GAPDH: variants seen among roughly 807,000 people sequenced by gnomAD.
GAPDH encodes the protein glyceraldehyde-3-phosphate dehydrogenase, also known as OCAS, p38 component.
GAPDH carries 13 observed loss-of-function variants against 31.2 expected under a neutral mutation model. That is an observed-to-expected ratio of 0.42 (90% CI 0.27 to 0.66). The LOEUF is 0.66. GAPDH is among the 30% of genes least tolerant of loss of function. The pLI is 0.26. For missense variants in GAPDH, 300 were observed against 443.7 expected (o/e 0.68, Z 2.91); for synonymous variants, 211 against 166.9 (o/e 1.26, Z -2.04).
rs201481859 is a variant in GAPDH, at chr12:6,537,384, A to T, written c.519A>T (p.Gly173=). The change falls in exon 7 of 9, where the codon GGA becomes GGT. Residue 173 remains glycine (G), a synonymous_variant. Transcript: ENST00000229239. This position sits in a 1 kb window ranked among gnomAD's most constrained non-coding sequence, Gnocchi z 4.9. ...ATGACAACTTTGGTATCGTGGAAGG[A>T]CTCATGGTATGAGAGCTGGGGAATG... ...VIHDNFGIVE[G]LMTTVHAITA... 439 of 1,608,816 alleles carry T rather than the reference A, an allele frequency of 2.7e-4. 2 individuals carry two copies. In the East Asian group the frequency reaches 8.3e-3, roughly 30 times the overall value.
intron 1 of GAPDH, 28 bp from the exon 2 acceptor site, chr12:6,534,782 G>GCGCT (rs1343680912): frequency 6.2e-7 from 1 of 1,602,530 alleles, no homozygotes; most frequent in Middle Eastern, 1.9e-4. Context: ...GGGCCACTAG[G>GCGCT]CGCTCACTGT....
In GAPDH at chr12:6,535,374, G is replaced by T; in HGVS notation, c.29+513G>T. On this transcript the variant is annotated intron_variant, in intron 2 of 8. Coordinates refer to ENST00000229239, the MANE Select transcript of GAPDH (RefSeq NM_002046.7). ...GTGACTAACCCTGCGCTCCTGCCTCGATGGGTGGAGTCGCGTGTGGCGGGG... is the reference window on the plus strand; with the variant it reads ...GTGACTAACCCTGCGCTCCTGCCTCTATGGGTGGAGTCGCGTGTGGCGGGG... 5.1e-6 allele frequency: 5 copies of T among 989,800 alleles called. No homozygotes were observed. The South Asian group carries it at 1.8e-4, about 36-fold the overall frequency. The allele number at this position is 989,800 out of a possible 1,614,324, so 61.3% of individuals were successfully genotyped here.
intron 2 of GAPDH, among the ~76,000 whole-genome samples, chr12:6,535,704 GT>G (rs1946448498): frequency 6.6e-6 from 1 of 152,184 alleles, no homozygotes. Context: ...AGGCCAGGCT[GT>G]AAATGTCACC....
Position 6,537,072 on chromosome 12 carries a change from G to C in GAPDH, c.328-29G>C, listed in dbSNP as rs774327990. The C allele has an allele frequency of 2.9e-5, 46 of 1,608,670 alleles. No homozygotes were observed. Among genetic ancestry groups the C allele is most frequent in the Non-Finnish European group, 3.7e-5 (43 of 1,177,656 alleles). On this transcript the variant is annotated intron_variant, in intron 5 of 8. Coordinates refer to ENST00000229239, the MANE Select transcript of GAPDH (RefSeq NM_002046.7). The surrounding 1 kb of genome is among the most constrained non-coding windows in gnomAD (Gnocchi z 4.9). ...TCAGCCCTGCAAAGGCAGGACCCGGGTTCATAACTGTCTGCTTCTCTGCTG... is the reference window on the plus strand; with the variant it reads ...TCAGCCCTGCAAAGGCAGGACCCGGCTTCATAACTGTCTGCTTCTCTGCTG...
rs373809061 is a variant in GAPDH at position 6,537,230 on chromosome 12, G to A, written c.443+14G>A. The A allele has an allele frequency of 1.7e-5, 27 of 1,598,270 alleles. No homozygotes were observed. Among genetic ancestry groups the A allele is most frequent in the Non-Finnish European group, 2.2e-5 (26 of 1,177,640 alleles). On this transcript the variant is annotated intron_variant, in intron 6 of 8. Coordinates refer to ENST00000229239, the MANE Select transcript of GAPDH (RefSeq NM_002046.7). This position sits in a 1 kb window ranked among gnomAD's most constrained non-coding sequence, Gnocchi z 4.9. ...CAAGATCATCAGGTGAGGAAGGCAG[G>A]GCCCGTGGAGAAGCGGCCAGCCTGG...
intron 2 of GAPDH, 139 bp from the exon 3 acceptor site, chr12:6,536,355 G>GATAA: frequency 1.5e-6 from 1 of 671,594 alleles, no homozygotes; most frequent in Non-Finnish European, 2.6e-6. Context: ...GCTCAAGGGA[G>GATAA]ATAAAATTCA....
Position 6,537,231 on chromosome 12 carries a change from G to A in GAPDH, c.443+15G>A, listed in dbSNP as rs117243681. On this transcript the variant is annotated intron_variant, in intron 6 of 8. Coordinates refer to ENST00000229239, the MANE Select transcript of GAPDH (RefSeq NM_002046.7). The surrounding 1 kb of genome is among the most constrained non-coding windows in gnomAD (Gnocchi z 4.9). ...AAGATCATCAGGTGAGGAAGGCAGG[G>A]CCCGTGGAGAAGCGGCCAGCCTGGC... 5.6e-4 allele frequency: 902 copies of A among 1,598,134 alleles called. 5 individuals carry two copies. The East Asian group carries it at 0.019, about 33-fold the overall frequency.
chr12:6,535,191 G>A (rs1393014457), intron 2 of GAPDH: 27 of 1,102,284 alleles, frequency 2.4e-5, no homozygotes, highest in Non-Finnish European at 2.9e-5. Flanking sequence ...GTCACGTGTC[G>A]CAGAGGAGCC....
intron 2 of GAPDH, among the ~76,000 whole-genome samples, chr12:6,535,927 C>T (rs1946453877): frequency 6.6e-6 from 1 of 152,314 alleles, no homozygotes; most frequent in Non-Finnish European, 1.5e-5. Flanking sequence ...TGGAAAAGAG[C>T]TAGGAAGGAC....
chr12:6,536,992 C>A lies in GAPDH; in HGVS notation c.309C>A (p.Thr103=), dbSNP rs11266742. The change falls in exon 5 of 9, where the codon ACC becomes ACA. Residue 103 remains threonine (T), a synonymous_variant. Coordinates refer to ENST00000229239, the MANE Select transcript of GAPDH (RefSeq NM_002046.7). ...TCGTGGAGTCCACTGGCGTCTTCAC[C>A]ACCATGGAGAAGGCTGGGGTGAGTG... ...EYVVESTGVF[T]TMEKAGAHLQ... 1 of 1,613,934 alleles carries A rather than the reference C, an allele frequency of 6.2e-7. No individual in the cohort carries two copies. The highest frequency in any genetic ancestry group is 8.5e-7 in the Non-Finnish European group (1 of 1,179,910).
chr12:6,537,716 G>T lies in GAPDH; in HGVS notation c.658G>T (p.Val220Phe). ...TGGCGCTGCCAAGGCTGTGGGCAAG[G>T]TCATCCCTGAGCTGAACGGGAAGCT... ...STGAAKAVGK[V>F]IPELNGKLTG... Residue 220 changes from valine (V) to phenylalanine (F), a missense_variant, in exon 8 of 9, where the codon GTC (valine) becomes TTC (phenylalanine). Val to Phe is a conservative substitution (Grantham distance 50, BLOSUM62 -1). Coordinates refer to ENST00000229239, the MANE Select transcript of GAPDH (RefSeq NM_002046.7). The surrounding 1 kb of genome is among the most constrained non-coding windows in gnomAD (Gnocchi z 4.9). 6.2e-7 allele frequency: 1 copy of T among 1,611,670 alleles called. No individual in the cohort carries two copies. The highest frequency in any genetic ancestry group is 8.5e-7 in the Non-Finnish European group (1 of 1,179,862).
rs1946488307 is a variant in GAPDH, at chr12:6,537,077, T to A, written c.328-24T>A. 1 of 1,609,094 alleles carries A rather than the reference T, an allele frequency of 6.2e-7. No individual in the cohort carries two copies. The highest frequency in any genetic ancestry group is 8.5e-7 in the Non-Finnish European group (1 of 1,177,926). ...CCTGCAAAGGCAGGACCCGGGTTCA[T>A]AACTGTCTGCTTCTCTGCTGTAGGC... On this transcript the variant is annotated intron_variant, in intron 5 of 8. Transcript: ENST00000229239. The surrounding 1 kb of genome is among the most constrained non-coding windows in gnomAD (Gnocchi z 4.9).
chr12:6,535,883 A>G (rs943226405), intron 2 of GAPDH, among the ~76,000 whole-genome samples: 1 of 151,808 alleles, frequency 6.6e-6, no homozygotes, highest in African/African-American at 2.4e-5. Context: ...CTCCCCACAC[A>G]CATGCACTTA....
intron 2 of GAPDH, chr12:6,535,206 C>A: frequency 9.1e-7 from 1 of 1,100,506 alleles, no homozygotes. Context: ...GGAGCCCCTC[C>A]CCCACGGCCT....
chr12:6,534,820 T>G lies in GAPDH; in HGVS notation c.-13T>G, dbSNP rs1415353727. On this transcript the variant is annotated 5_prime_UTR_variant, in exon 2 of 9. Transcript: ENST00000229239. ...TCTCCCTCCGCGCAGCCGAGCCACATCGCTCAGACACCATGGGGAAGGTGA... is the reference window on the plus strand; with the variant it reads ...TCTCCCTCCGCGCAGCCGAGCCACAGCGCTCAGACACCATGGGGAAGGTGA... 1 of 1,613,464 alleles carries G rather than the reference T, an allele frequency of 6.2e-7. No individual in the cohort carries two copies. The highest frequency in any genetic ancestry group is 8.5e-7 in the Non-Finnish European group (1 of 1,179,790).
Position 6,537,926 on chromosome 12 carries a change from A to G in GAPDH, c.868A>G (p.Thr290Ala). The change falls in exon 8 of 9, where the codon ACC becomes GCC. Residue 290 changes from threonine (T) to alanine (A), a missense_variant. Thr to Ala is a moderately conservative substitution (Grantham distance 58). Transcript: ENST00000229239. This position sits in a 1 kb window ranked among gnomAD's most constrained non-coding sequence, Gnocchi z 4.9. ...GGTCTCCTCTGACTTCAACAGCGAC[A>G]CCCACTCCTCCACCTTTGACGCTGG... is the stretch of plus-strand genomic sequence containing the variant. ...QVVSSDFNSD[T>A]HSSTFDAGAG... 1.2e-6 allele frequency: 2 copies of G among 1,614,112 alleles called. No individual in the cohort carries two copies. Among genetic ancestry groups the G allele is most frequent in the South Asian group, 1.1e-5 (1 of 91,080 alleles).
rs749674237 is a variant in GAPDH, at chr12:6,536,756, G to C, written c.202G>C (p.Val68Leu). Residue 68 changes from valine (V) to leucine (L), a missense_variant, in exon 4 of 9, where the codon GTC becomes CTC. Physicochemically the swap from Val to Leu is conservative, Grantham distance 32. Coordinates refer to ENST00000229239, the MANE Select transcript of GAPDH (RefSeq NM_002046.7). Reference protein sequence around the residue: ...GTVKAENGKLVINGNPITIFQ... With the variant: ...GTVKAENGKLLINGNPITIFQ... ...CGTCAAGGCTGAGAACGGGAAGCTT[G>C]TCATCAATGGAAATCCCATCACCAT... 1.9e-6 allele frequency: 3 copies of C among 1,613,958 alleles called. No individual in the cohort carries two copies. Among genetic ancestry groups the C allele is most frequent in the Non-Finnish European group, 2.5e-6 (3 of 1,179,984 alleles).
intron 1 of GAPDH, 74 bp downstream of exon 1, chr12:6,534,643 G>A: frequency 1.5e-6 from 1 of 661,364 alleles, no homozygotes; most frequent in Non-Finnish European, 2.7e-6. Context: ...CAGGCCGGAT[G>A]TGTTCGCGCC....
Position 6,537,694 on chromosome 12 carries a change from C to G in GAPDH, c.636C>G (p.Gly212=). The G allele has an allele frequency of 1.9e-6, 3 of 1,611,644 alleles. No homozygotes were observed. Among genetic ancestry groups the G allele is most frequent in the Non-Finnish European group, 2.5e-6 (3 of 1,179,852 alleles). The change falls in exon 8 of 9, where the codon GGC becomes GGG. Residue 212 remains glycine (G), a synonymous_variant. Coordinates refer to ENST00000229239, the MANE Select transcript of GAPDH (RefSeq NM_002046.7). This position sits in a 1 kb window ranked among gnomAD's most constrained non-coding sequence, Gnocchi z 4.9. ...AGAACATCATCCCTGCCTCTACTGGCGCTGCCAAGGCTGTGGGCAAGGTCA... is the reference window on the plus strand; with the variant it reads ...AGAACATCATCCCTGCCTCTACTGGGGCTGCCAAGGCTGTGGGCAAGGTCA... The part of the protein sequence containing the change: ...ALQNIIPAST[G]AAKAVGKVIP...
Sources: allele counts gnomAD v4.1 joint callset (sites outside exome capture counted in the v4.1 genomes callset), GRCh38; gene constraint gnomAD v4.1.1; non-coding constraint Gnocchi (gnomAD v3.1); transcripts MANE v1.5; gene names NCBI Gene and HGNC (gene_info 2026-07-23, HGNC 2026-07-21).